CCDC148: variants seen among roughly 807,000 people sequenced by gnomAD.
CCDC148 encodes the protein coiled-coil domain-containing protein 148.
Under a neutral mutation model 85.7 loss-of-function variants are expected in CCDC148, and 89 were observed. The observed-to-expected ratio is 1.04, with a 90% CI of 0.87 to 1.24. The LOEUF is 1.24. Among genes scored for constraint, CCDC148 ranks in the 50% most tolerant of loss-of-function variants. CCDC148 has a pLI of 0.00. For synonymous variants in CCDC148, 230 were observed against 213.9 expected, an observed-to-expected ratio of 1.08 and a Z score of -0.66; for missense variants, 692 against 671.7, an observed-to-expected ratio of 1.03 and a Z score of -0.33.
intron 8 of CCDC148, among the ~76,000 whole-genome samples, chr2:158,311,393 G>C (rs560768815): frequency 1.3e-5 from 2 of 152,302 alleles, no homozygotes; most frequent in Admixed American, 6.5e-5. Flanking sequence ...ATCAGGCAGG[G>C]AAGTTGCAGT....
intron 1 of CCDC148, among the ~76,000 whole-genome samples, chr2:158,416,262 A>T (rs1271869754): frequency 6.6e-6 from 1 of 152,122 alleles, no homozygotes; most frequent in Non-Finnish European, 1.5e-5. Flanking sequence ...CAGGGCTGTG[A>T]TGGGAGGGGC....
At chr2:158,253,335 C>T (rs1314640306) in intron 9 of CCDC148, among the ~76,000 whole-genome samples, 1 of 151,574 alleles carries the variant, frequency 6.6e-6, no homozygotes, top group African/African-American at 2.4e-5. Flanking sequence ...AAGTAGCGTT[C>T]CTCCTCTGCC....
At chr2:158,315,517 G>A (rs1282711244) in intron 7 of CCDC148, among the ~76,000 whole-genome samples, 1 of 151,890 alleles carries the variant, frequency 6.6e-6, no homozygotes. Flanking sequence ...ACCTTTATTT[G>A]ATTATAAATG....
intron 9 of CCDC148, among the ~76,000 whole-genome samples, chr2:158,296,259 A>G (rs1256247917): frequency 6.6e-6 from 1 of 152,190 alleles, no homozygotes; most frequent in African/African-American, 2.4e-5. Context: ...CGGTAGAAGT[A>G]TGTATTAAGG....
chr2:158,218,034 CTA>C (rs1333493412), intron 11 of CCDC148, among the ~76,000 whole-genome samples: 1 of 152,114 alleles, frequency 6.6e-6, no homozygotes, highest in African/African-American at 2.4e-5. Flanking sequence ...TTCTATCTCC[CTA>C]AGTCACAAAA....
Position 158,456,691 on chromosome 2 carries a change from A to C in CCDC148, c.-252T>G, listed in dbSNP as rs972229471. 9.3e-5 allele frequency: 52 copies of C among 559,932 alleles called. No homozygotes were observed. In the Middle Eastern group the frequency reaches 1.4e-3, roughly 15 times the overall value. The allele number at this position is 559,932 out of a possible 1,614,324, so 34.7% of individuals were successfully genotyped here. On this transcript the variant is annotated 5_prime_UTR_variant, in exon 1 of 14. Transcript: ENST00000283233. ...CCCCCTCCCGCGCCCGAGACCTGAG[A>C]CACCTTCTCTCTCACACCCACCCTC...
At chr2:158,393,464 A>G (rs909820851) in intron 1 of CCDC148, among the ~76,000 whole-genome samples, 1 of 152,090 alleles carries the variant, frequency 6.6e-6, no homozygotes, top group African/African-American at 2.4e-5. Flanking sequence ...GGCTTTCATC[A>G]ATTATAGGGA....
chr2:158,246,921 A>T (rs1398610956), intron 10 of CCDC148, among the ~76,000 whole-genome samples: 1 of 152,196 alleles, frequency 6.6e-6, no homozygotes, highest in Non-Finnish European at 1.5e-5. Flanking sequence ...GACCTTCAAC[A>T]GAGACACATG....
chr2:158,231,656 C>A (rs1687862673), intron 10 of CCDC148, among the ~76,000 whole-genome samples: 1 of 152,148 alleles, frequency 6.6e-6, no homozygotes, highest in African/African-American at 2.4e-5. Flanking sequence ...ATTCTTAACA[C>A]AGCATTTCCC....
chr2:158,354,663 G>T (rs1683525209), intron 2 of CCDC148, among the ~76,000 whole-genome samples: 1 of 151,900 alleles, frequency 6.6e-6, no homozygotes, highest in South Asian at 2.1e-4. Context: ...GGAGGAACTG[G>T]TACCATTCCT....
intron 7 of CCDC148, among the ~76,000 whole-genome samples, chr2:158,318,080 A>G (rs1190984361): frequency 6.6e-6 from 1 of 152,110 alleles, no homozygotes; most frequent in Non-Finnish European, 1.5e-5. Context: ...TTTTCTTTCC[A>G]AGACAGAACC....
intron 12 of CCDC148, among the ~76,000 whole-genome samples, chr2:158,177,178 C>A (rs1684632907): frequency 6.6e-6 from 1 of 151,642 alleles, no homozygotes; most frequent in Non-Finnish European, 1.5e-5. Context: ...TTCCTTTGTA[C>A]CAGGCAACTA....
At chr2:158,431,090 T>C (rs1296049331) in intron 1 of CCDC148, among the ~76,000 whole-genome samples, 2 of 151,572 alleles carry the variant, frequency 1.3e-5, no homozygotes, top group Non-Finnish European at 2.9e-5. Flanking sequence ...ATATATCAGA[T>C]AATACCAAGA....
At position 158,374,579 on chromosome 2, in the gene CCDC148, G is replaced by A. The variant is rs1204266596; in HGVS notation, c.26-16009C>T. On this transcript the variant is annotated intron_variant, in intron 1 of 13. Coordinates refer to ENST00000283233, the MANE Select transcript of CCDC148 (RefSeq NM_138803.4). ...CCCACACGTAGACCAAACTGAAGAG[G>A]ATGCTGCAATTGGAGGTTAGTGTCA... 3.3e-5 allele frequency among the ~76,000 whole-genome samples: 5 copies of A among 151,700 alleles called. No individual in the cohort carries two copies. In the East Asian group the frequency reaches 9.7e-4, roughly 29 times the overall value.
chr2:158,283,001 C>A (rs10207854), intron 9 of CCDC148, among the ~76,000 whole-genome samples: 69,077 of 151,914 alleles, frequency 0.45, 16,206 homozygotes, highest in East Asian at 0.65. Flanking sequence ...TGATCTTTGA[C>A]AAACCTGAGA....
intron 11 of CCDC148, among the ~76,000 whole-genome samples, chr2:158,197,240 T>C (rs900542427): frequency 2.6e-5 from 4 of 152,172 alleles, no homozygotes; most frequent in Non-Finnish European, 4.4e-5. Flanking sequence ...GAGAAAATTA[T>C]CTGAAGGTTT....
intron 9 of CCDC148, among the ~76,000 whole-genome samples, chr2:158,290,751 G>A (rs1438690526): frequency 6.6e-6 from 1 of 152,084 alleles, no homozygotes; most frequent in Non-Finnish European, 1.5e-5. Flanking sequence ...CTCCATGAGG[G>A]TTGGGATTTT....
chr2:158,361,810 C>T (rs570402661), intron 1 of CCDC148, among the ~76,000 whole-genome samples: 2 of 152,218 alleles, frequency 1.3e-5, no homozygotes, highest in Non-Finnish European at 2.9e-5. Flanking sequence ...CAAATTCACA[C>T]ATAACAATAC....
At position 158,309,660 on chromosome 2, in the gene CCDC148, G is replaced by A. The variant is rs200821341; in HGVS notation, c.904-21C>T. On this transcript the variant is annotated intron_variant, in intron 8 of 13. Coordinates refer to ENST00000283233, the MANE Select transcript of CCDC148 (RefSeq NM_138803.4). ...TCAACCTGAAAAGATAACAGAGGGT[G>A]AATACTTATCATTATGAAAATGAGC... is the stretch of plus-strand genomic sequence containing the variant. 2,900 of 1,519,440 alleles carry A rather than the reference G, an allele frequency of 1.9e-3. 9 individuals carry two copies. Among genetic ancestry groups the A allele is most frequent in the South Asian group, 3.8e-3 (326 of 86,122 alleles). The allele number at this position is 1,519,440 out of a possible 1,614,324, so 94.1% of individuals were successfully genotyped here. A position where few individuals can be genotyped will look rare whatever the true frequency, so the allele number is the denominator to read the frequency against.
Sources: gnomAD v4.1 joint callset for allele counts (sites outside exome capture counted in the v4.1 genomes callset) on GRCh38, gnomAD v4.1.1 for gene constraint, MANE v1.5 for transcripts, NCBI Gene and HGNC (gene_info 2026-07-23, HGNC 2026-07-21) for gene names.